POGK: variants seen among roughly 807,000 people sequenced by gnomAD.
The protein encoded by POGK is pogo transposable element derived with KRAB domain, also known as pogo transposable element with KRAB domain.
Under a neutral mutation model 54.4 loss-of-function variants are expected in POGK, and 16 were observed. That is an observed-to-expected ratio of 0.29 (90% confidence interval 0.20 to 0.45). The LOEUF is 0.45. Among genes scored for constraint, POGK ranks in the 20% least tolerant of loss-of-function variants. The probability of loss-of-function intolerance (pLI) is 1.00; values close to 1 mark genes in which losing one functional copy is unlikely to be tolerated. For missense variants in POGK, 515 were observed against 795.6 expected, an observed-to-expected ratio of 0.65 and a Z score of 4.24; for synonymous variants, 271 against 302.2, an observed-to-expected ratio of 0.90 and a Z score of 1.07.
rs567309010 is a variant in POGK at position 166,840,777 on chromosome 1, A to G, written c.-2-178A>G. ...ACGTTATCTACCCACAGCCTCTCTT[A>G]TCATAATTAAACATGTCACCCTGTA... is the stretch of plus-strand genomic sequence containing the variant. On this transcript the variant is annotated intron_variant, in intron 1 of 5. Transcript: ENST00000367876. Among the ~76,000 whole-genome samples, 5 of 152,308 alleles carry G rather than the reference A, an allele frequency of 3.3e-5. No individual in the cohort carries two copies. The East Asian group carries it at 7.7e-4, about 23-fold the overall frequency.
rs143821995 is a variant in POGK at position 166,849,635 on chromosome 1, G to A, written c.1056G>A (p.Ala352=). 3.2e-5 allele frequency: 52 copies of A among 1,614,272 alleles called. No homozygotes were observed. Among genetic ancestry groups the A allele is most frequent in the Middle Eastern group, 1.6e-4 (1 of 6,062 alleles). ...GCAGTGTCCTGGCTCTGCGCAGGGC[G>A]CATGACTATGAGGTAGCTCAGATGG... ...YQRSVLALRR[A]HDYEVAQMGN... The change falls in exon 5 of 6, where the codon GCG becomes GCA. Residue 352 remains alanine, a synonymous_variant. Transcript: ENST00000367876.
In POGK at chr1:166,849,756, A is replaced by G; in HGVS notation, c.1177A>G (p.Arg393Gly). 6.2e-7 allele frequency: 1 copy of G among 1,614,276 alleles called. No homozygotes were observed. The highest frequency in any genetic ancestry group is 8.5e-7 in the Non-Finnish European group (1 of 1,180,040). Residue 393 changes from arginine (R) to glycine (G), a missense_variant, in exon 5 of 6, where the codon AGG (arginine) becomes GGG (glycine). By Grantham distance (125) the Arg-to-Gly change is moderately radical. Around this residue, in one of 2 missense-constraint regions of POGK, gnomAD observed 461 missense variants for 743.5 expected, o/e 0.62. Transcript: ENST00000367876. ...EKPVLVKTPG[R>G]EKLKITAMLG... ...GCCTGTCTTGGTCAAGACACCAGGC[A>G]GGGAAAAACTGAAAATCACAGCAAT...
chr1:166,851,433 T>A (rs979849871), intron 5 of POGK: 5 of 152,226 alleles, frequency 3.3e-5, no homozygotes, highest in African/African-American at 1.2e-4. Flanking sequence ...AAGGAAGATA[T>A]TTTTTAACTG....
At chr1:166,848,034 G>A (rs930114730) in intron 4 of POGK, among the ~76,000 whole-genome samples, 9 of 152,224 alleles carry the variant, frequency 5.9e-5, no homozygotes, top group African/African-American at 1.7e-4. Flanking sequence ...TTGAGCAAAT[G>A]TATCTAAGAA....
Position 166,849,246 on chromosome 1 carries a change from C to A in POGK, c.667C>A (p.Gln223Lys). 6.2e-7 allele frequency: 1 copy of A among 1,614,224 alleles called. No homozygotes were observed. The highest frequency in any genetic ancestry group is 8.5e-7 in the Non-Finnish European group (1 of 1,180,048). ...ESTNNCQAAK[Q>K]FGVLEKNVRD... ...TACCAACAACTGCCAGGCTGCCAAG[C>A]AGTTTGGAGTATTGGAAAAAAACGT... Residue 223 changes from glutamine to lysine, a missense_variant, in exon 5 of 6, where the codon CAG (glutamine) becomes AAG (lysine). By Grantham distance (53) the Gln-to-Lys change is moderately conservative. This residue lies in a region of POGK where 461 missense variants were observed against 743.5 expected (regional missense o/e 0.62). Coordinates refer to ENST00000367876, the MANE Select transcript of POGK (RefSeq NM_017542.5).
intron 5 of POGK, 79 bp downstream of exon 5, chr1:166,850,502 C>G (rs2101768094): frequency 6.9e-7 from 1 of 1,453,410 alleles, no homozygotes; most frequent in East Asian, 2.4e-5. Flanking sequence ...CATTATTTTT[C>G]TGTTTTTAAG....
intron 4 of POGK, among the ~76,000 whole-genome samples, chr1:166,847,989 T>C (rs1657911950): frequency 2.0e-5 from 3 of 152,208 alleles, no homozygotes; most frequent in Admixed American, 1.3e-4. Context: ...CATCTCATAC[T>C]GGATAGAAAA....
intron 3 of POGK, among the ~76,000 whole-genome samples, 199 bp from the exon 4 acceptor site, chr1:166,847,295 C>T (rs1416922202): frequency 6.7e-6 from 1 of 149,416 alleles, no homozygotes; most frequent in Non-Finnish European, 1.5e-5. Context: ...AATACCATCC[C>T]TCATTAGGAG....
chr1:166,846,563 G>C (rs373159414), intron 2 of POGK, 49 bp from the exon 3 acceptor site: 4 of 1,610,522 alleles, frequency 2.5e-6, no homozygotes, highest in Non-Finnish European at 3.4e-6. Context: ...CTGAAAGTCT[G>C]TCTGCATATG....
At chr1:166,850,467 C>T in intron 5 of POGK, 44 bp downstream of exon 5, 1 of 1,523,974 alleles carries the variant, frequency 6.6e-7, no homozygotes, top group Non-Finnish European at 8.8e-7. Flanking sequence ...GCTGACATGT[C>T]TGTGTTCTAC....
chr1:166,843,297 G>T (rs1415097437), intron 2 of POGK, among the ~76,000 whole-genome samples: 1 of 152,186 alleles, frequency 6.6e-6, no homozygotes, highest in Non-Finnish European at 1.5e-5. Context: ...CAGGCCAGGG[G>T]CCAGAGCCAG....
Position 166,849,772 on chromosome 1 carries a change from T to G in POGK, c.1193T>G (p.Ile398Ser), listed in dbSNP as rs1208235391. The G allele has an allele frequency of 6.2e-7, 1 of 1,614,110 alleles. No homozygotes were observed. The highest frequency in any genetic ancestry group is 8.5e-7 in the Non-Finnish European group (1 of 1,180,050). ...VKTPGREKLKITAMLGVLADG... is the reference protein window; with the variant it reads ...VKTPGREKLKSTAMLGVLADG... ...ACACCAGGCAGGGAAAAACTGAAAA[T>G]CACAGCAATGCTTGGTGTCTTGGCT... Residue 398 changes from isoleucine to serine, a missense_variant, in exon 5 of 6, where the codon ATC (isoleucine) becomes AGC (serine). Physicochemically the swap from Ile to Ser is moderately radical, Grantham distance 142 (BLOSUM62 -2). This residue lies in a region of POGK where 461 missense variants were observed against 743.5 expected (regional missense o/e 0.62). Transcript: ENST00000367876.
chr1:166,845,092 G>A (rs562038696), intron 2 of POGK, among the ~76,000 whole-genome samples: 10 of 152,214 alleles, frequency 6.6e-5, no homozygotes, highest in South Asian at 2.1e-4. Context: ...AGCTGTGCTC[G>A]GTATTGCTGG....
At position 166,848,969 on chromosome 1, in the gene POGK, C is replaced by T. The variant is rs1473262963; in HGVS notation, c.390C>T (p.Asp130=). The T allele has an allele frequency of 1.2e-6, 2 of 1,609,580 alleles. No individual in the cohort carries two copies. Among genetic ancestry groups the T allele is most frequent in the Non-Finnish European group, 1.7e-6 (2 of 1,178,392 alleles). Residue 130 remains aspartate (D), a synonymous_variant, in exon 5 of 6, where the codon GAC becomes GAT. Coordinates refer to ENST00000367876, the MANE Select transcript of POGK (RefSeq NM_017542.5). ...ENEESDVKPP[D]WPNPMNATSQ... Reference sequence around the variant, plus strand: ...AAGAATCTGACGTAAAGCCTCCAGACTGGCCAAACCCAATGAATGCTACCT... The same window carrying T: ...AAGAATCTGACGTAAAGCCTCCAGATTGGCCAAACCCAATGAATGCTACCT...
chr1:166,846,819 A>G, intron 3 of POGK, 81 bp downstream of exon 3: 5 of 1,549,750 alleles, frequency 3.2e-6, no homozygotes, highest in Non-Finnish European at 4.4e-6. Flanking sequence ...TGGTATATCC[A>G]ATGTCCCTCT....
Position 166,839,523 on chromosome 1 carries a change from G to A in POGK, c.-84G>A, listed in dbSNP as rs936793386. 6 of 151,634 alleles carry A rather than the reference G, an allele frequency of 4.0e-5. No individual in the cohort carries two copies. The highest frequency in any genetic ancestry group is 7.4e-5 in the Non-Finnish European group (5 of 67,868). 9.4% of individuals were successfully genotyped at this position (151,634 alleles called of 1,614,324 possible). ...GAGGGGCCGCGCGCACGGGAGGACG[G>A]AGAGGCGGAAAGGATGGCGCTGTGA... is the stretch of plus-strand genomic sequence containing the variant. On this transcript the variant is annotated 5_prime_UTR_variant, in exon 1 of 6. Coordinates refer to ENST00000367876, the MANE Select transcript of POGK (RefSeq NM_017542.5).
intron 4 of POGK, among the ~76,000 whole-genome samples, chr1:166,848,514 A>G (rs1657928598): frequency 1.3e-5 from 2 of 152,212 alleles, no homozygotes; most frequent in South Asian, 4.1e-4. Flanking sequence ...GCCATGATGC[A>G]TCTCTGTAAT....
intron 1 of POGK, 60 bp from the exon 2 acceptor site, chr1:166,840,895 A>G (rs1657472609): frequency 1.3e-6 from 2 of 1,597,194 alleles, no homozygotes; most frequent in South Asian, 1.1e-5. Flanking sequence ...CTCCCCCATC[A>G]TAGGCTTTGG....
At chr1:166,842,224 G>A (rs1657547662) in intron 2 of POGK, among the ~76,000 whole-genome samples, 1 of 152,214 alleles carries the variant, frequency 6.6e-6, no homozygotes, top group Non-Finnish European at 1.5e-5. Flanking sequence ...TCTAAATGGA[G>A]AGCCTTGGAG....
Sources: gnomAD v4.1 joint callset for allele counts (sites outside exome capture counted in the v4.1 genomes callset) on GRCh38, gnomAD v4.1.1 for gene constraint, gnomAD v4.1.1 regional missense constraint, MANE v1.5 for transcripts, NCBI Gene and HGNC (gene_info 2026-07-23, HGNC 2026-07-21) for gene names.